The following PAG1 variants were observed in gnomAD, a reference collection of about 807,000 sequenced individuals.
PAG1 encodes the protein phosphoprotein membrane anchor with glycosphingolipid microdomains 1.
In PAG1, 23 loss-of-function variants were observed where a neutral mutation model predicts 31.7. The ratio of observed to expected loss-of-function variants is 0.73; its 90% CI spans 0.52 to 1.03. The LOEUF is 1.03. Among genes scored for constraint, PAG1 ranks in the 50% least tolerant of loss-of-function variants. The probability of loss-of-function intolerance (pLI) is 0.00; values close to 1 mark genes in which losing one functional copy is unlikely to be tolerated. For synonymous variants in PAG1, 214 were observed against 210.3 expected (o/e 1.02, Z -0.15); for missense variants, 473 against 540.7 (o/e 0.87, Z 1.24).
intron 2 of PAG1, among the ~76,000 whole-genome samples, chr8:81,057,977 G>C (rs1808855167): frequency 6.6e-6 from 1 of 152,008 alleles, no homozygotes; most frequent in Non-Finnish European, 1.5e-5. Flanking sequence ...CTAGCAGAAG[G>C]GAGTATTTAC....
chr8:80,983,696 C>T (rs1013912619), intron 7 of PAG1, among the ~76,000 whole-genome samples: 3 of 152,154 alleles, frequency 2.0e-5, no homozygotes, highest in Admixed American at 6.5e-5. Context: ...GACAACTCAA[C>T]GTCTTATCTT....
intron 4 of PAG1, 90 bp downstream of exon 4, chr8:80,993,013 T>C: frequency 8.4e-7 from 1 of 1,190,374 alleles, no homozygotes; most frequent in South Asian, 1.9e-5. Context: ...TGTGGCGGGA[T>C]TCCATTCCTA....
At chr8:80,981,302 C>A (rs1807295000) in intron 7 of PAG1, among the ~76,000 whole-genome samples, 1 of 151,982 alleles carries the variant, frequency 6.6e-6, no homozygotes, top group African/African-American at 2.4e-5. Flanking sequence ...CCCATTCATG[C>A]TTTCAAAGTC....
At chr8:81,056,227 T>C (rs559881061) in intron 2 of PAG1, among the ~76,000 whole-genome samples, 1 of 152,256 alleles carries the variant, frequency 6.6e-6, no homozygotes, top group South Asian at 2.1e-4. Context: ...TACTTTAAAG[T>C]TCACATGGAA....
In PAG1 at chr8:80,973,994, A is replaced by G. The variant is rs556912777; in HGVS notation, c.*2550T>C. 2.0e-4 allele frequency: 31 copies of G among 152,316 alleles called. No homozygotes were observed. The highest frequency in any genetic ancestry group is 3.4e-3 in the Middle Eastern group (1 of 294). 9.4% of individuals were successfully genotyped at this position (152,316 alleles called of 1,614,324 possible). A position where few individuals can be genotyped will look rare whatever the true frequency, so the allele number is the denominator to read the frequency against. On this transcript the variant is annotated 3_prime_UTR_variant, in exon 9 of 9. Transcript: ENST00000220597. ...TAAAAGTACACTGAAAATACTTTAT[A>G]TCACAGCTTATTCTAACCACTGGTT...
chr8:81,018,229 T>C (rs1808104624), intron 3 of PAG1, among the ~76,000 whole-genome samples: 2 of 152,232 alleles, frequency 1.3e-5, no homozygotes, highest in South Asian at 4.1e-4. Context: ...CTATATTGAA[T>C]AACAAATTCA....
chr8:81,021,928 T>A (rs1481326433), intron 3 of PAG1, among the ~76,000 whole-genome samples: 1 of 152,214 alleles, frequency 6.6e-6, no homozygotes, highest in East Asian at 1.9e-4. Flanking sequence ...TGTCACCATT[T>A]ACTTTAGAGG....
intron 1 of PAG1, among the ~76,000 whole-genome samples, chr8:81,075,806 C>T (rs1347259146): frequency 1.3e-5 from 2 of 152,170 alleles, no homozygotes; most frequent in African/African-American, 4.8e-5. Context: ...TCCGCTTTCC[C>T]GCATCTCTGA....
At chr8:81,011,964 T>C (rs1421614461) in intron 3 of PAG1, among the ~76,000 whole-genome samples, 1 of 152,218 alleles carries the variant, frequency 6.6e-6, no homozygotes, top group Admixed American at 6.5e-5. Flanking sequence ...CAATCGTCTG[T>C]TGAGGTTTCT....
chr8:81,011,978 G>A (rs1250059162), intron 3 of PAG1, among the ~76,000 whole-genome samples: 1 of 152,194 alleles, frequency 6.6e-6, no homozygotes, highest in East Asian at 1.9e-4. Context: ...GGTTTCTTTA[G>A]ATCACTTTAT....
chr8:81,083,805 C>T (rs774676808), intron 1 of PAG1, among the ~76,000 whole-genome samples: 10 of 151,942 alleles, frequency 6.6e-5, no homozygotes, highest in East Asian at 1.9e-4. Context: ...GAGGCTGAGG[C>T]GGGTAGATCA....
At chr8:81,056,962 T>A (rs1314538571) in intron 2 of PAG1, among the ~76,000 whole-genome samples, 1 of 152,168 alleles carries the variant, frequency 6.6e-6, no homozygotes, top group Non-Finnish European at 1.5e-5. Flanking sequence ...AACAGACACA[T>A]GAAAAAGTGC....
At chr8:81,043,908 C>G (rs1057285272) in intron 2 of PAG1, among the ~76,000 whole-genome samples, 1 of 152,234 alleles carries the variant, frequency 6.6e-6, no homozygotes, top group Non-Finnish European at 1.5e-5. Flanking sequence ...TCCTTCTCCA[C>G]TGATGGTAGT....
intron 1 of PAG1, among the ~76,000 whole-genome samples, chr8:81,072,130 T>C (rs1000880269): frequency 1.3e-5 from 2 of 152,122 alleles, no homozygotes; most frequent in South Asian, 2.1e-4. Flanking sequence ...AGGGTTGGGG[T>C]TCTGCTAGTG....
chr8:81,003,059 G>A (rs914922792), intron 3 of PAG1, among the ~76,000 whole-genome samples: 1 of 152,192 alleles, frequency 6.6e-6, no homozygotes, highest in African/African-American at 2.4e-5. Context: ...CCAGTTAGCA[G>A]CACCTGGGAA....
At chr8:81,092,222 A>T (rs983249796) in intron 1 of PAG1, among the ~76,000 whole-genome samples, 16 of 151,400 alleles carry the variant, frequency 1.1e-4, no homozygotes, top group Admixed American at 1.1e-3. Flanking sequence ...AGGAAAAGAA[A>T]AAAAAGAAAA....
In PAG1 at chr8:81,077,373, C is replaced by T. The variant is rs190888061; in HGVS notation, c.-233-7203G>A. ...CTATTCCAACCTTCTACAGCCTCTT[C>T]TACTTCAGGAGTACTCCTCCTTGCA... On this transcript the variant is annotated intron_variant, in intron 1 of 8. Transcript: ENST00000220597. 4.7e-3 allele frequency among the ~76,000 whole-genome samples: 714 copies of T among 152,320 alleles called. 25 individuals are homozygous for T. Among genetic ancestry groups the T allele is most frequent in the Non-Finnish European group, 5.0e-4 (34 of 68,026 alleles).
chr8:81,014,200 A>G (rs924437124), intron 3 of PAG1, among the ~76,000 whole-genome samples: 7 of 152,234 alleles, frequency 4.6e-5, no homozygotes, highest in Non-Finnish European at 8.8e-5. Flanking sequence ...CAAGCCCCAG[A>G]TGGCTTATCA....
chr8:81,002,238 T>TAA lies in PAG1; in HGVS notation c.-80-8933_-80-8932dup, dbSNP rs970941658. On this transcript the variant is annotated intron_variant, in intron 3 of 8. Transcript: ENST00000220597. ...TTTTTTTTTTTCATAATAAAAGACT[T>TAA]AAAAAAAAATAAACTTCAGTTTCTT... 3.3e-5 allele frequency among the ~76,000 whole-genome samples: 5 copies of TAA among 151,058 alleles called. No homozygotes were observed. In the South Asian group the frequency reaches 6.3e-4, roughly 19 times the overall value.
Sources: gnomAD v4.1 joint callset for allele counts (sites outside exome capture counted in the v4.1 genomes callset) on GRCh38, gnomAD v4.1.1 for gene constraint, MANE v1.5 for transcripts, NCBI Gene and HGNC (gene_info 2026-07-23, HGNC 2026-07-21) for gene names.